Variants in DLG2 observed in about 807,000 individuals in gnomAD.
DLG2 encodes the protein disks large homolog 2.
DLG2 carries 45 observed loss-of-function variants against 132.5 expected under a neutral mutation model. The ratio of observed to expected loss-of-function variants is 0.34; its 90% CI spans 0.27 to 0.44. The LOEUF (loss-of-function observed/expected upper bound fraction) is 0.44. Ranked by LOEUF, DLG2 falls within the 20% of genes least tolerant of loss-of-function variation. The pLI is 1.00. For synonymous variants in DLG2, 424 were observed against 419.6 expected (o/e 1.01, Z -0.13); for missense variants, 1,045 against 1,196.9 (o/e 0.87, Z 1.87).
intron 6 of DLG2, among the ~76,000 whole-genome samples, chr11:84,887,770 A>G (rs575372822): frequency 1.4e-3 from 208 of 152,232 alleles, no homozygotes; most frequent in African/African-American, 4.7e-3. Context: ...AGAGGAGGAA[A>G]TCAAATCTAG....
chr11:83,502,228 T>G (rs1435537170), intron 21 of DLG2, among the ~76,000 whole-genome samples: 1 of 152,114 alleles, frequency 6.6e-6, no homozygotes, highest in Non-Finnish European at 1.5e-5. Context: ...AAAGGTTGAG[T>G]CACTTGCCTA....
intron 6 of DLG2, among the ~76,000 whole-genome samples, chr11:84,710,278 G>A (rs772194407): frequency 6.6e-6 from 1 of 151,836 alleles, no homozygotes; most frequent in Non-Finnish European, 1.5e-5. Flanking sequence ...CCCAAGGCAG[G>A]AACTATTTTA....
At chr11:85,321,456 C>T (rs1936488857) in intron 3 of DLG2, among the ~76,000 whole-genome samples, 1 of 151,756 alleles carries the variant, frequency 6.6e-6, no homozygotes, top group South Asian at 2.1e-4. Context: ...ATTTAAGTCA[C>T]AAAACTGAAT....
At chr11:85,506,074 A>G (rs2093925308) in intron 3 of DLG2, among the ~76,000 whole-genome samples, 2 of 151,972 alleles carry the variant, frequency 1.3e-5, no homozygotes, top group Non-Finnish European at 2.9e-5. Context: ...TATCCCCTTT[A>G]TCATTTTTTA....
intron 4 of DLG2, among the ~76,000 whole-genome samples, chr11:85,168,158 T>C (rs2078594509): frequency 6.6e-6 from 1 of 152,090 alleles, no homozygotes. Flanking sequence ...GAAGATGTTT[T>C]GGGGAAAACA....
intron 3 of DLG2, among the ~76,000 whole-genome samples, chr11:85,439,998 G>A (rs1597364303): frequency 1.3e-5 from 2 of 152,098 alleles, no homozygotes; most frequent in African/African-American, 4.8e-5. Context: ...AGACTGTCTG[G>A]ATTTGAATTC....
chr11:83,547,892 G>A (rs780516789), intron 19 of DLG2, among the ~76,000 whole-genome samples: 3 of 152,114 alleles, frequency 2.0e-5, no homozygotes, highest in Non-Finnish European at 4.4e-5. Flanking sequence ...ATTGGGAAGT[G>A]GACAGAGGCT....
chr11:84,047,929 A>G (rs768184107), intron 11 of DLG2, among the ~76,000 whole-genome samples: 4 of 151,616 alleles, frequency 2.6e-5, no homozygotes, highest in Non-Finnish European at 5.9e-5. Context: ...TTGTTCTTTC[A>G]TGATAAATGA....
At chr11:84,540,618 T>C (rs2099366285) in intron 6 of DLG2, among the ~76,000 whole-genome samples, 1 of 152,196 alleles carries the variant, frequency 6.6e-6, no homozygotes, top group African/African-American at 2.4e-5. Context: ...TCCACCATTG[T>C]GGAAGTCAGT....
chr11:84,976,106 A>G (rs1434791883), intron 6 of DLG2, among the ~76,000 whole-genome samples: 1 of 152,108 alleles, frequency 6.6e-6, no homozygotes, highest in African/African-American at 2.4e-5. Context: ...ATGTGGCTCT[A>G]TTATAAGAAT....
At chr11:84,262,444 C>T (rs1204768151) in intron 7 of DLG2, among the ~76,000 whole-genome samples, 4 of 152,174 alleles carry the variant, frequency 2.6e-5, no homozygotes, top group Non-Finnish European at 4.4e-5. Context: ...AATATATCCC[C>T]AAAGACTTAC....
intron 3 of DLG2, among the ~76,000 whole-genome samples, chr11:85,496,465 C>A (rs982362012): frequency 1.3e-5 from 2 of 152,204 alleles, no homozygotes; most frequent in Non-Finnish European, 2.9e-5. Flanking sequence ...CCTTCTGCCT[C>A]TCTAGATTCC....
At chr11:83,977,994 A>G (rs1211675192) in intron 12 of DLG2, among the ~76,000 whole-genome samples, 2 of 152,088 alleles carry the variant, frequency 1.3e-5, no homozygotes, top group African/African-American at 4.8e-5. Flanking sequence ...AGGCTTTTTC[A>G]CAAAACCAGG....
intron 5 of DLG2, among the ~76,000 whole-genome samples, chr11:85,153,405 T>TACC (rs2077393307): frequency 6.6e-6 from 1 of 152,210 alleles, no homozygotes; most frequent in Non-Finnish European, 1.5e-5. Context: ...TTTGTGCTGA[T>TACC]ACCACCTAAC....
intron 6 of DLG2, among the ~76,000 whole-genome samples, chr11:85,046,918 G>A (rs1330566679): frequency 6.6e-6 from 1 of 151,632 alleles, no homozygotes; most frequent in African/African-American, 2.4e-5. Context: ...GCACTGAGAT[G>A]CTCTGCAGTA....
intron 8 of DLG2, among the ~76,000 whole-genome samples, chr11:84,214,918 A>T (rs1323102483): frequency 6.6e-6 from 1 of 152,202 alleles, no homozygotes. Flanking sequence ...ATGAAGATAC[A>T]TTTCAATGCA....
At chr11:85,372,123 G>A (rs117363723) in intron 3 of DLG2, among the ~76,000 whole-genome samples, 2,358 of 152,262 alleles carry the variant, frequency 0.015, 27 homozygotes, top group Non-Finnish European at 0.023. Flanking sequence ...CTGTAGCTCC[G>A]AAAGAACTAA....
intron 3 of DLG2, among the ~76,000 whole-genome samples, chr11:85,496,312 T>A (rs1057474122): frequency 3.9e-5 from 6 of 152,120 alleles, no homozygotes; most frequent in African/African-American, 1.4e-4. Flanking sequence ...TGCAGCAGTC[T>A]GAGATTGACC....
At chr11:85,590,322 T>C (rs1338945630) in intron 3 of DLG2, among the ~76,000 whole-genome samples, 1 of 152,192 alleles carries the variant, frequency 6.6e-6, no homozygotes, top group East Asian at 1.9e-4. Context: ...CAATAAACAA[T>C]AGTACAATAT....
Sources: gnomAD v4.1 joint callset for allele counts (sites outside exome capture counted in the v4.1 genomes callset) on GRCh38, gnomAD v4.1.1 for gene constraint, MANE v1.5 for transcripts, NCBI Gene and HGNC (gene_info 2026-07-23, HGNC 2026-07-21) for gene names.